MAOA: variants seen among roughly 807,000 people sequenced by gnomAD.
MAOA encodes the protein amine oxidase [flavin-containing] A.
A neutral mutation model predicts 42.0 loss-of-function variants in MAOA; 6 were observed. The observed-to-expected ratio is 0.14, with a 90% CI of 0.08 to 0.28. The LOEUF (loss-of-function observed/expected upper bound fraction) is 0.28. Ranked by LOEUF, MAOA falls within the 10% of genes least tolerant of loss-of-function variation. The pLI, the probability that MAOA is intolerant of heterozygous loss-of-function variation, is 1.00. For synonymous variants in MAOA, 140 were observed against 154.0 expected, an observed-to-expected ratio of 0.91 and a Z score of 0.67; for missense variants, 262 against 422.3, an observed-to-expected ratio of 0.62 and a Z score of 3.33.
At chrX:43,671,684 A>G (rs1326914840) in intron 1 of MAOA, among the ~76,000 whole-genome samples, 2 of 102,202 alleles carry the variant, frequency 2.0e-5, no homozygotes, top group Non-Finnish European at 4.0e-5. Flanking sequence ...TCCCAGCACC[A>G]TTTATTAAAT....
At chrX:43,732,637 T>C (rs898428945) in intron 8 of MAOA, 62 bp from the exon 9 acceptor site, 1 of 728,532 alleles carries the variant, frequency 1.4e-6, no homozygotes, top group Admixed American at 2.2e-5. Context: ...TATATTTATG[T>C]GTGTATGGGT....
intron 5 of MAOA, 108 bp downstream of exon 5, chrX:43,712,904 G>A (rs1349940080): frequency 5.3e-6 from 3 of 567,923 alleles, no homozygotes. Flanking sequence ...AAAAAAAGAG[G>A]AAACCTAGTA....
At chrX:43,730,194 CA>C (rs1219771036) in intron 6 of MAOA, among the ~76,000 whole-genome samples, 599 of 38,124 alleles carry the variant, frequency 0.016, 1 homozygote, top group South Asian at 0.025. Flanking sequence ...AACTCCGTCT[CA>C]AAAAAAAAAA....
rs140295792 is a variant in MAOA at position 43,711,890 on chromosome X, C to T, written c.325C>T (p.Arg109Trp). 6.7e-6 allele frequency: 8 copies of T among 1,201,221 alleles called. No homozygotes were observed. The highest frequency in any genetic ancestry group is 4.4e-5 in the Admixed American group (2 of 45,601). The change falls in exon 4 of 15, where the codon CGG becomes TGG. Residue 109 changes from arginine to tryptophan, a missense_variant. Arg to Trp is a moderately radical substitution (Grantham distance 101, BLOSUM62 -3). Around this residue, in one of 3 missense-constraint regions of MAOA, gnomAD observed 141 missense variants for 195.6 expected, o/e 0.72. Coordinates refer to ENST00000338702, the MANE Select transcript of MAOA (RefSeq NM_000240.4). The part of the protein sequence containing the change: ...QYVKGKTYPF[R>W]GAFPPVWNPI... Reference sequence around the variant, plus strand: ...GTTCTAGGGGAAAACATATCCATTTCGGGGCGCCTTTCCACCAGTATGGAA... The same window carrying T: ...GTTCTAGGGGAAAACATATCCATTTTGGGGCGCCTTTCCACCAGTATGGAA...
At chrX:43,691,887 C>T (rs1321520142) in intron 2 of MAOA, among the ~76,000 whole-genome samples, 1 of 110,507 alleles carries the variant, frequency 9.0e-6, no homozygotes, top group African/African-American at 3.3e-5. Context: ...GATAATATCA[C>T]GTTGGGTAGC....
At chrX:43,727,058 G>A (rs768358325) in intron 5 of MAOA, among the ~76,000 whole-genome samples, 1 of 111,864 alleles carries the variant, frequency 8.9e-6, no homozygotes, top group Non-Finnish European at 1.9e-5. Flanking sequence ...CTTTGTCCCA[G>A]GGGGGCACCC....
chrX:43,684,878 T>TC (rs201273991), intron 2 of MAOA, among the ~76,000 whole-genome samples: 5 of 96,636 alleles, frequency 5.2e-5, no homozygotes, highest in African/African-American at 7.5e-5. Context: ...TCTTTTCTTT[T>TC]TTTTTTTTTT....
chrX:43,726,327 G>T (rs1369933312), intron 5 of MAOA, among the ~76,000 whole-genome samples: 1 of 111,643 alleles, frequency 9.0e-6, no homozygotes, highest in Non-Finnish European at 1.9e-5. Context: ...CATAGATTTG[G>T]TCTTTTCACA....
rs1448546489 is a variant in MAOA at position 43,746,383 on chromosome X, A to T, written c.*1870A>T. On this transcript the variant is annotated 3_prime_UTR_variant, in exon 15 of 15. Coordinates refer to ENST00000338702, the MANE Select transcript of MAOA (RefSeq NM_000240.4). ...CCAGTCCAGATGTGCCTAGACACGA[A>T]ATTGGAGCTGAGGACTCTCACGATA... 1 of 111,976 alleles carries T rather than the reference A, an allele frequency of 8.9e-6. No homozygotes were observed. The highest frequency in any genetic ancestry group is 2.8e-4 in the East Asian group (1 of 3,575). 9.2% of individuals were successfully genotyped at this position (111,976 alleles called of 1,213,427 possible).
chrX:43,656,632 C>A (rs1053644059), intron 1 of MAOA, among the ~76,000 whole-genome samples: 3 of 111,326 alleles, frequency 2.7e-5, no homozygotes, highest in African/African-American at 9.8e-5. Context: ...ACTACTACTA[C>A]TATTAAATAC....
intron 3 of MAOA, among the ~76,000 whole-genome samples, chrX:43,705,483 C>A (rs963862949): frequency 1.8e-5 from 2 of 111,419 alleles, no homozygotes; most frequent in Admixed American, 9.6e-5. Flanking sequence ...CATTTTAGAC[C>A]TAACTATAAG....
intron 2 of MAOA, among the ~76,000 whole-genome samples, chrX:43,689,880 C>T (rs995622542): frequency 7.2e-5 from 8 of 110,915 alleles, no homozygotes; most frequent in African/African-American, 2.6e-4. Context: ...AATTTCTCTT[C>T]CTCTTTTTTT....
intron 3 of MAOA, among the ~76,000 whole-genome samples, chrX:43,709,561 A>T (rs2033684509): frequency 9.0e-6 from 1 of 110,933 alleles, no homozygotes; most frequent in African/African-American, 3.3e-5. Flanking sequence ...TTTTAATAAA[A>T]TTTTTTTCCA....
chrX:43,716,591 A>G (rs901315138), intron 5 of MAOA, among the ~76,000 whole-genome samples: 9 of 110,909 alleles, frequency 8.1e-5, no homozygotes, highest in African/African-American at 3.0e-4. Context: ...GTTGAATGAC[A>G]GGATAGTATC....
intron 1 of MAOA, among the ~76,000 whole-genome samples, chrX:43,657,294 C>A (rs920768517): frequency 1.4e-5 from 1 of 71,099 alleles, no homozygotes; most frequent in Non-Finnish European, 2.9e-5. Context: ...TATATATGAA[C>A]TGTGTGTGTG....
intron 3 of MAOA, among the ~76,000 whole-genome samples, chrX:43,704,175 C>G (rs967826842): frequency 1.8e-5 from 2 of 111,189 alleles, no homozygotes; most frequent in East Asian, 5.6e-4. Flanking sequence ...AATAACAAAA[C>G]CAAAGACATC....
chrX:43,685,324 G>C (rs1280447521), intron 2 of MAOA, among the ~76,000 whole-genome samples: 1 of 111,643 alleles, frequency 9.0e-6, no homozygotes, highest in Admixed American at 9.5e-5. Context: ...CTTTTCCTTC[G>C]CCAAAAGACC....
At chrX:43,697,963 G>A (rs1197026902) in intron 3 of MAOA, among the ~76,000 whole-genome samples, 1 of 112,102 alleles carries the variant, frequency 8.9e-6, no homozygotes, top group Non-Finnish European at 1.9e-5. Context: ...ACTTCTAGGG[G>A]AAAAGTGGGT....
chrX:43,664,004 C>T (rs757439102), intron 1 of MAOA, among the ~76,000 whole-genome samples: 2 of 112,172 alleles, frequency 1.8e-5, no homozygotes, highest in East Asian at 5.6e-4. Context: ...TCCTCTGCAC[C>T]AGGCCAATGT....
Sources: allele counts gnomAD v4.1 joint callset (sites outside exome capture counted in the v4.1 genomes callset), GRCh38; gene constraint gnomAD v4.1.1; regional missense constraint gnomAD v4.1.1; transcripts MANE v1.5; gene names NCBI Gene and HGNC (gene_info 2026-07-23, HGNC 2026-07-21).